The following SLC35E2B variants were observed in gnomAD, a reference collection of about 807,000 sequenced individuals.
The protein encoded by SLC35E2B is solute carrier family 35 member E2B, also known as solute carrier family 35, member E2B.
SLC35E2B carries 18 observed loss-of-function variants against 32.4 expected under a neutral mutation model. The ratio of observed to expected loss-of-function variants is 0.56; its 90% CI spans 0.38 to 0.82. The LOEUF (loss-of-function observed/expected upper bound fraction) is 0.82. Among genes scored for constraint, SLC35E2B ranks in the 40% least tolerant of loss-of-function variants. The pLI, the probability that SLC35E2B is intolerant of heterozygous loss-of-function variation, is 0.00. For synonymous variants in SLC35E2B, 132 were observed against 209.1 expected (o/e 0.63, Z 3.18); for missense variants, 263 against 469.5 (o/e 0.56, Z 4.06).
intron 2 of SLC35E2B, among the ~76,000 whole-genome samples, chr1:1,678,220 C>T (rs780520381): frequency 1.6e-4 from 25 of 152,072 alleles, no homozygotes; most frequent in African/African-American, 4.3e-4. Flanking sequence ...TATGCACTTG[C>T]GTGCGTGCCA....
At position 1,674,913 on chromosome 1, in the gene SLC35E2B, C is replaced by A. The variant is rs533085386; in HGVS notation, c.586+550G>T. Among the ~76,000 whole-genome samples, 405 of 152,262 alleles carry A rather than the reference C, an allele frequency of 2.7e-3. 6 individuals carry two copies. The highest frequency in any genetic ancestry group is 9.5e-3 in the African/African-American group (394 of 41,548). On this transcript the variant is annotated intron_variant, in intron 5 of 9. Coordinates refer to ENST00000617444, the MANE Select transcript of SLC35E2B (RefSeq NM_001290264.2). ...CCTCGCTGGTTTTCATGCAGCCACA[C>A]TGGGTACGCGACATGGGGCTGACAT...
chr1:1,678,100 A>T (rs1643869154), intron 2 of SLC35E2B, among the ~76,000 whole-genome samples: 1 of 152,002 alleles, frequency 6.6e-6, no homozygotes, highest in East Asian at 1.9e-4. Flanking sequence ...GCGCTCTGGG[A>T]GCGTGTGGTG....
chr1:1,675,702 G>A lies in SLC35E2B; in HGVS notation c.459-112C>T, dbSNP rs199552695. 3.2e-3 allele frequency: 2,942 copies of A among 921,366 alleles called. 97 individuals are homozygous for A. In the Admixed American group the frequency reaches 0.056, roughly 18 times the overall value. 57.1% of individuals were successfully genotyped at this position (921,366 alleles called of 1,614,324 possible). A position where few individuals can be genotyped will look rare whatever the true frequency, so the allele number is the denominator to read the frequency against. On this transcript the variant is annotated intron_variant, in intron 4 of 9. Coordinates refer to ENST00000617444, the MANE Select transcript of SLC35E2B (RefSeq NM_001290264.2). ...TCGGTTGGCACGTCGGCCCCTCTCC[G>A]CCCACCTCCTCATCACCAACATGGT...
chr1:1,676,101 T>G lies in SLC35E2B; in HGVS notation c.421A>C (p.Asn141His). The G allele has an allele frequency of 8.0e-7, 1 of 1,255,130 alleles. No individual in the cohort carries two copies. The highest frequency in any genetic ancestry group is 1.2e-5 in the South Asian group (1 of 81,300). The allele number at this position is 1,255,130 out of a possible 1,614,324, so 77.7% of individuals were successfully genotyped here. A position where few individuals can be genotyped will look rare whatever the true frequency, so the allele number is the denominator to read the frequency against. The change falls in exon 4 of 10, where the codon AAC (asparagine) becomes CAC (histidine). Residue 141 changes from asparagine to histidine, a missense_variant. Physicochemically the swap from Asn to His is moderately conservative, Grantham distance 68. This residue lies in a region of SLC35E2B where 7 missense variants were observed against 29.2 expected (regional missense o/e 0.24). Coordinates refer to ENST00000617444, the MANE Select transcript of SLC35E2B (RefSeq NM_001290264.2). ...ACAAACAGCATCGTCATAAGGAAGT[T>G]GGGTGGGTAGGAAAGCCGGGCCTTG... ...QHKARLSYPP[N>H]FLMTMLFVGL...
At chr1:1,671,389 A>G in intron 6 of SLC35E2B, 120 bp downstream of exon 6, 1 of 1,166,564 alleles carries the variant, frequency 8.6e-7, no homozygotes, top group Non-Finnish European at 1.1e-6. Context: ...AAAGGGCAGC[A>G]TTGGACGCAC....
At position 1,690,426 on chromosome 1, in the gene SLC35E2B, G is replaced by T. The variant is rs182790084; in HGVS notation, c.-148+550C>A. On this transcript the variant is annotated intron_variant, in intron 2 of 9. Coordinates refer to ENST00000617444, the MANE Select transcript of SLC35E2B (RefSeq NM_001290264.2). Reference sequence around the variant, plus strand: ...AGTATAAAGAATTCCTACAAACCAAGTAGAAAAACAGGCAAAAAAAAAAAA... The same window carrying T: ...AGTATAAAGAATTCCTACAAACCAATTAGAAAAACAGGCAAAAAAAAAAAA... 1.6e-3 allele frequency among the ~76,000 whole-genome samples: 241 copies of T among 149,206 alleles called. 5 individuals are homozygous for T. Among genetic ancestry groups the T allele is most frequent in the Non-Finnish European group, 1.8e-3 (120 of 67,174 alleles).
In SLC35E2B at chr1:1,665,847, TG is replaced by T. The variant is rs1200832242; in HGVS notation, c.1152del (p.Thr385LeufsTer58). 6 of 1,550,754 alleles carry T rather than the reference TG, an allele frequency of 3.9e-6. No homozygotes were observed. Among genetic ancestry groups the T allele is most frequent in the Non-Finnish European group, 5.2e-6 (6 of 1,146,986 alleles). On this transcript the variant is annotated frameshift_variant, in exon 10 of 10. Coordinates refer to ENST00000617444, the MANE Select transcript of SLC35E2B (RefSeq NM_001290264.2). LOFTEE classifies it high-confidence loss of function. ...ACTGTGTCGTCTGGGGCCCGGCCAGTGGCTGCAGCCAGGCTCTGCAGCGCCT... is the reference window on the plus strand; with the variant it reads ...ACTGTGTCGTCTGGGGCCCGGCCAGTGCTGCAGCCAGGCTCTGCAGCGCCT... Reference protein sequence around the residue: ...QQEALQSLAAATGRAPDDTVE... With the variant: ...QQEALQSLAAXTGRAPDDTVE...
chr1:1,678,038 T>G (rs1643868836), intron 2 of SLC35E2B, among the ~76,000 whole-genome samples: 1 of 151,840 alleles, frequency 6.6e-6, no homozygotes, highest in African/African-American at 2.4e-5. Flanking sequence ...TTTCTCTTCC[T>G]GCTTCGGGGG....
intron 2 of SLC35E2B, among the ~76,000 whole-genome samples, chr1:1,679,064 C>G (rs555468290): frequency 1.4e-4 from 21 of 152,306 alleles, no homozygotes; most frequent in African/African-American, 5.1e-4. Flanking sequence ...CTCCCTCCCA[C>G]CTCGAAGGCT....
At position 1,663,329 on chromosome 1, in the gene SLC35E2B, G is replaced by A. The variant is rs1159833360; in HGVS notation, c.*2453C>T. On this transcript the variant is annotated 3_prime_UTR_variant, in exon 10 of 10. Transcript: ENST00000617444. ...CCAAGGTGCTCAGAACCAGGCGCCT[G>A]CACCTCTCCTTATGCCAGACCACAA... The A allele has an allele frequency of 2.2e-5, 22 of 979,280 alleles. No homozygotes were observed. Among genetic ancestry groups the A allele is most frequent in the Admixed American group, 1.3e-4 (2 of 15,888 alleles). The allele number at this position is 979,280 out of a possible 1,614,324, so 60.7% of individuals were successfully genotyped here.
In SLC35E2B at chr1:1,663,836, A is replaced by G. The variant is rs2101086627; in HGVS notation, c.*1946T>C. 1 of 912,918 alleles carries G rather than the reference A, an allele frequency of 1.1e-6. No individual in the cohort carries two copies. Among genetic ancestry groups the G allele is most frequent in the African/African-American group, 1.8e-5 (1 of 56,878 alleles). The allele number at this position is 912,918 out of a possible 1,614,324, so 56.6% of individuals were successfully genotyped here. The stretch of plus-strand genomic sequence containing the variant: ...TCCGGGGAAAGTCACGTGACAAAAC[A>G]TCTTCGCAGCGCAGTGAGCACACAC... On this transcript the variant is annotated 3_prime_UTR_variant, in exon 10 of 10. Coordinates refer to ENST00000617444, the MANE Select transcript of SLC35E2B (RefSeq NM_001290264.2).
chr1:1,669,956 C>T (rs1557752990), intron 7 of SLC35E2B, 142 bp downstream of exon 7: 7 of 886,140 alleles, frequency 7.9e-6, no homozygotes, highest in Admixed American at 4.4e-5. Flanking sequence ...GGGTCCCTCC[C>T]GAGCTTAGAC....
intron 6 of SLC35E2B, chr1:1,671,306 C>A (rs1287539027): frequency 8.6e-6 from 4 of 467,768 alleles, no homozygotes; most frequent in African/African-American, 2.0e-5. Flanking sequence ...GTACCAAGAC[C>A]GTCCATCCTG....
intron 2 of SLC35E2B, among the ~76,000 whole-genome samples, chr1:1,678,890 G>A (rs910091386): frequency 6.6e-6 from 1 of 152,124 alleles, no homozygotes; most frequent in Non-Finnish European, 1.5e-5. Context: ...CTGGCTGGGG[G>A]TGGAGCAGCT....
At chr1:1,666,209 T>C (rs929373999) in intron 9 of SLC35E2B, among the ~76,000 whole-genome samples, 190 bp from the exon 10 acceptor site, 1 of 151,976 alleles carries the variant, frequency 6.6e-6, no homozygotes, top group East Asian at 1.9e-4. Context: ...GCGGGGGTGC[T>C]CAACGGGACC....
chr1:1,669,567 C>A, intron 8 of SLC35E2B, 97 bp downstream of exon 8: 1 of 1,310,432 alleles, frequency 7.6e-7, no homozygotes, highest in Non-Finnish European at 1.0e-6. Flanking sequence ...GCCCAACCAG[C>A]CAGCACACGG....
chr1:1,678,146 C>G (rs1367715656), intron 2 of SLC35E2B, among the ~76,000 whole-genome samples: 1 of 152,190 alleles, frequency 6.6e-6, no homozygotes, highest in East Asian at 1.9e-4. Flanking sequence ...CCCTCCTCGT[C>G]TCACTTCTCC....
chr1:1,687,130 G>T (rs759973416), intron 2 of SLC35E2B, among the ~76,000 whole-genome samples: 5 of 152,160 alleles, frequency 3.3e-5, no homozygotes, highest in Non-Finnish European at 5.9e-5. Flanking sequence ...GGCCTGTGAG[G>T]GTGCTGTCGG....
chr1:1,690,236 C>T (rs1433380298), intron 2 of SLC35E2B, among the ~76,000 whole-genome samples: 4 of 145,370 alleles, frequency 2.8e-5, no homozygotes, highest in Admixed American at 1.4e-4. Flanking sequence ...GCCAAGATCG[C>T]GCCATTGCAC....
Sources: allele counts gnomAD v4.1 joint callset (sites outside exome capture counted in the v4.1 genomes callset), GRCh38; gene constraint gnomAD v4.1.1; regional missense constraint gnomAD v4.1.1; transcripts MANE v1.5; gene names NCBI Gene and HGNC (gene_info 2026-07-23, HGNC 2026-07-21).